Variants in SHC3 observed in about 807,000 individuals in gnomAD.
The protein encoded by SHC3 is SHC-transforming protein 3.
Under a neutral mutation model 60.4 loss-of-function variants are expected in SHC3, and 15 were observed. The observed-to-expected ratio is 0.25, with a 90% CI of 0.17 to 0.38. The LOEUF is 0.38. SHC3 is among the 10% of genes least tolerant of loss of function. The pLI is 1.00. For missense variants in SHC3, 677 were observed against 786.1 expected (o/e 0.86, Z 1.66); for synonymous variants, 294 against 325.9 (o/e 0.90, Z 1.05).
chr9:89,069,442 A>C (rs959997499), intron 5 of SHC3, among the ~76,000 whole-genome samples: 1 of 152,244 alleles, frequency 6.6e-6, no homozygotes, highest in Non-Finnish European at 1.5e-5. Context: ...GAAGAAAAAA[A>C]AGAAGAGAAA....
At position 89,013,503 on chromosome 9, in the gene SHC3, T is replaced by C; in HGVS notation, c.1729A>G (p.Ile577Val). The change falls in exon 12 of 12, where the codon ATT becomes GTT. Residue 577 changes from isoleucine (I) to valine (V), a missense_variant. Ile to Val is a conservative substitution (Grantham distance 29, BLOSUM62 3). Coordinates refer to ENST00000375835, the MANE Select transcript of SHC3 (RefSeq NM_016848.6). ...INHHLESSLP[I>V]VSAGSELCLQ... ...CACAGCTCACTCCCTGCAGAGACAA[T>C]GGGCAGGCTGCTTTCTAGGTGGTGG... 1 of 1,613,938 alleles carries C rather than the reference T, an allele frequency of 6.2e-7. No homozygotes were observed.
rs1825948461 is a variant in SHC3, at chr9:89,006,948, A to G, written c.*6499T>C. ...CACATGAGTGGGAATTCATTACCTC[A>G]AAGCTCAGGACCACAGCTCCCCATG... is the stretch of plus-strand genomic sequence containing the variant. On this transcript the variant is annotated 3_prime_UTR_variant, in exon 12 of 12. Coordinates refer to ENST00000375835, the MANE Select transcript of SHC3 (RefSeq NM_016848.6). 1 of 152,250 alleles carries G rather than the reference A, an allele frequency of 6.6e-6. No homozygotes were observed. Among genetic ancestry groups the G allele is most frequent in the East Asian group, 1.9e-4 (1 of 5,200 alleles). The allele number at this position is 152,250 out of a possible 1,614,324, so 9.4% of individuals were successfully genotyped here. A position where few individuals can be genotyped will look rare whatever the true frequency, so the allele number is the denominator to read the frequency against.
intron 1 of SHC3, among the ~76,000 whole-genome samples, chr9:89,175,759 T>C (rs1484936860): frequency 2.0e-5 from 3 of 152,248 alleles, no homozygotes; most frequent in African/African-American, 4.8e-5. Flanking sequence ...CCCATTTCTA[T>C]CTACCAGAAA....
At chr9:89,065,209 GC>G (rs1370223108) in intron 6 of SHC3, among the ~76,000 whole-genome samples, 1 of 152,174 alleles carries the variant, frequency 6.6e-6, no homozygotes, top group Non-Finnish European at 1.5e-5. Context: ...CTGAAGCTGG[GC>G]AGGAGGACAG....
At chr9:89,026,100 C>A (rs188236021) in intron 11 of SHC3, among the ~76,000 whole-genome samples, 3 of 151,932 alleles carry the variant, frequency 2.0e-5, no homozygotes, top group Admixed American at 1.3e-4. Context: ...ACACACACAC[C>A]CCAAATTAGC....
At chr9:89,142,026 C>T (rs1161379402) in intron 1 of SHC3, among the ~76,000 whole-genome samples, 2 of 152,116 alleles carry the variant, frequency 1.3e-5, no homozygotes, top group African/African-American at 2.4e-5. Flanking sequence ...AAAAAAGCTC[C>T]CCATGTCCCT....
chr9:89,145,587 T>C (rs998155847), intron 1 of SHC3, among the ~76,000 whole-genome samples: 2 of 152,218 alleles, frequency 1.3e-5, no homozygotes, highest in Non-Finnish European at 1.5e-5. Context: ...GTCCATCAAA[T>C]ACAAAGTACA....
intron 10 of SHC3, among the ~76,000 whole-genome samples, chr9:89,039,068 G>C (rs1824631640): frequency 6.6e-6 from 1 of 152,222 alleles, no homozygotes; most frequent in African/African-American, 2.4e-5. Flanking sequence ...TTTCACATAA[G>C]GTAGTGTGTA....
At chr9:89,054,678 AAG>A (rs1824919948) in intron 6 of SHC3, among the ~76,000 whole-genome samples, 4 of 152,382 alleles carry the variant, frequency 2.6e-5, no homozygotes, top group Admixed American at 2.6e-4. Flanking sequence ...AGAAGAAACC[AAG>A]AGAGGTATGC....
At chr9:89,040,507 A>G (rs1001252565) in intron 10 of SHC3, among the ~76,000 whole-genome samples, 1 of 152,012 alleles carries the variant, frequency 6.6e-6, no homozygotes, top group Non-Finnish European at 1.5e-5. Flanking sequence ...ACACCAGCCA[A>G]TCTAACTTTC....
chr9:89,176,275 G>A (rs1213268924), intron 1 of SHC3, among the ~76,000 whole-genome samples: 6 of 152,194 alleles, frequency 3.9e-5, no homozygotes, highest in East Asian at 1.9e-4. Flanking sequence ...GATTGTCGAC[G>A]CAGAGCCGTC....
Position 89,178,368 on chromosome 9 carries a change from T to G in SHC3, c.93A>C (p.Gly31=), listed in dbSNP as rs755271702. 1.9e-6 allele frequency: 3 copies of G among 1,588,732 alleles called. No homozygotes were observed. The highest frequency in any genetic ancestry group is 2.6e-6 in the Non-Finnish European group (3 of 1,169,640). Residue 31 remains glycine, a synonymous_variant, in exon 1 of 12, where the codon GGA becomes GGC. Coordinates refer to ENST00000375835, the MANE Select transcript of SHC3 (RefSeq NM_016848.6). The surrounding 1 kb of genome is among the most constrained non-coding windows in gnomAD (Gnocchi z 6.9). ...TCGCGCGCGCCGCCGAAACCTTGCCTCCGCCGCCGCTCACCGACAGGCTGT... is the reference window on the plus strand; with the variant it reads ...TCGCGCGCGCCGCCGAAACCTTGCCGCCGCCGCCGCTCACCGACAGGCTGT... ...LLHSLSVSGG[G]GKVSAARATP...
intron 6 of SHC3, among the ~76,000 whole-genome samples, chr9:89,060,885 A>G (rs1825077655): frequency 6.6e-6 from 1 of 152,098 alleles, no homozygotes; most frequent in African/African-American, 2.4e-5. Flanking sequence ...GAAAGAAGGC[A>G]GAGAACTGGG....
chr9:89,013,635 G>C, intron 11 of SHC3, 60 bp from the exon 12 acceptor site: 2 of 1,562,534 alleles, frequency 1.3e-6, no homozygotes, highest in Non-Finnish European at 1.7e-6. Flanking sequence ...AGAGAAAATG[G>C]TTTGCTCAGA....
At chr9:89,110,810 A>G (rs955911428) in intron 2 of SHC3, among the ~76,000 whole-genome samples, 1 of 152,200 alleles carries the variant, frequency 6.6e-6, no homozygotes, top group Non-Finnish European at 1.5e-5. Flanking sequence ...TCACCTTCCC[A>G]AAAATCTAAA....
At chr9:89,140,210 T>C (rs1587748835) in intron 1 of SHC3, among the ~76,000 whole-genome samples, 1 of 152,210 alleles carries the variant, frequency 6.6e-6, no homozygotes, top group Admixed American at 6.5e-5. Flanking sequence ...GAAGACCCAG[T>C]AGTTGTAAGA....
chr9:89,147,064 A>G (rs753023417), intron 1 of SHC3, among the ~76,000 whole-genome samples: 1 of 152,210 alleles, frequency 6.6e-6, no homozygotes, highest in Non-Finnish European at 1.5e-5. Flanking sequence ...CAGCGTAATG[A>G]ATGAACAAAT....
intron 11 of SHC3, among the ~76,000 whole-genome samples, chr9:89,028,523 GATATAGATTAATATAGATTATA>G: frequency 2.6e-5 from 1 of 38,966 alleles, no homozygotes; most frequent in South Asian, 9.1e-4. Context: ...TATCTATATA[GATATAGATTAATATAGATTATA>G]TCTAGATATA....
intron 11 of SHC3, among the ~76,000 whole-genome samples, chr9:89,016,251 C>A (rs934693793): frequency 2.6e-5 from 4 of 151,976 alleles, no homozygotes; most frequent in African/African-American, 9.7e-5. Flanking sequence ...ATTAAGAAGA[C>A]AATAAAGAAA....
Sources: gnomAD v4.1 joint callset for allele counts (sites outside exome capture counted in the v4.1 genomes callset) on GRCh38, gnomAD v4.1.1 for gene constraint, Gnocchi (gnomAD v3.1) non-coding constraint, MANE v1.5 for transcripts, NCBI Gene and HGNC (gene_info 2026-07-23, HGNC 2026-07-21) for gene names.